Variants in DGKI observed in about 807,000 individuals in gnomAD.
DGKI encodes the protein diacylglycerol kinase iota, also known as DAG kinase iota.
A neutral mutation model predicts 147.5 loss-of-function variants in DGKI; 55 were observed. The ratio of observed to expected loss-of-function variants is 0.37; its 90% CI spans 0.30 to 0.47. The LOEUF is 0.47. Among genes scored for constraint, DGKI ranks in the 20% least tolerant of loss-of-function variants. The pLI is 1.00. For missense variants in DGKI, 1,007 were observed against 1,323.8 expected (o/e 0.76, Z 3.71); for synonymous variants, 469 against 477.1 (o/e 0.98, Z 0.22).
At chr7:137,542,021 T>C (rs1817719793) in intron 20 of DGKI, among the ~76,000 whole-genome samples, 1 of 152,062 alleles carries the variant, frequency 6.6e-6, no homozygotes, top group South Asian at 2.1e-4. Flanking sequence ...GCAGAATACA[T>C]GATGAACTCT....
intron 12 of DGKI, among the ~76,000 whole-genome samples, chr7:137,594,322 T>TA (rs1819715500): frequency 6.6e-6 from 1 of 152,184 alleles, no homozygotes. Context: ...GCTGGGATTA[T>TA]AGGCGTGAGC....
In DGKI at chr7:137,495,502, CAAAAAAA is replaced by C. The variant is rs34551145; in HGVS notation, c.2249-7820_2249-7814del. Among the ~76,000 whole-genome samples, 49 of 57,394 alleles carry C rather than the reference CAAAAAAA, an allele frequency of 8.5e-4. No homozygotes were observed. The South Asian group carries it at 9.1e-3, about 11-fold the overall frequency. The allele number at this position is 57,394 out of a possible 152,430, so 37.7% of individuals were successfully genotyped here. On this transcript the variant is annotated intron_variant, in intron 21 of 32. Transcript: ENST00000614521. The stretch of plus-strand genomic sequence containing the variant: ...TCCTGATACCAAAACCTGGCAGAGA[CAAAAAAA>C]AAAAAAAAAAAAAAAAAAATCCTTC...
intron 3 of DGKI, among the ~76,000 whole-genome samples, chr7:137,675,328 G>T (rs537052264): frequency 3.0e-4 from 45 of 152,206 alleles, no homozygotes; most frequent in African/African-American, 1.1e-3. Flanking sequence ...TTATCATACG[G>T]TATTTCTCAA....
At chr7:137,725,585 A>G (rs1794694186) in intron 1 of DGKI, among the ~76,000 whole-genome samples, 1 of 141,694 alleles carries the variant, frequency 7.1e-6, no homozygotes, top group Non-Finnish European at 1.5e-5. Context: ...CTTTAAAAAA[A>G]GGTAGCTTGT....
chr7:137,453,225 T>C (rs965293032), intron 27 of DGKI: 8 of 152,192 alleles, frequency 5.3e-5, no homozygotes, highest in African/African-American at 1.9e-4. Flanking sequence ...CAGATTATCA[T>C]CTCTGTGCAA....
At chr7:137,773,961 T>C (rs1796286951) in intron 1 of DGKI, among the ~76,000 whole-genome samples, 2 of 152,188 alleles carry the variant, frequency 1.3e-5, no homozygotes, top group South Asian at 4.1e-4. Context: ...GGTGGATGTC[T>C]AGAAGGTGAG....
At chr7:137,548,205 G>T (rs1324359021) in intron 20 of DGKI, among the ~76,000 whole-genome samples, 1 of 152,150 alleles carries the variant, frequency 6.6e-6, no homozygotes, top group African/African-American at 2.4e-5. Flanking sequence ...TTGAACTCTG[G>T]CTGCTTTACT....
intron 28 of DGKI, among the ~76,000 whole-genome samples, chr7:137,414,536 TA>T (rs60810063): frequency 0.077 from 11,160 of 145,852 alleles, 630 homozygotes; most frequent in African/African-American, 0.16. Context: ...GTGTTATGTG[TA>T]AAAAAAAAAA....
intron 1 of DGKI, among the ~76,000 whole-genome samples, chr7:137,837,550 C>T (rs1300525245): frequency 6.6e-6 from 1 of 152,154 alleles, no homozygotes; most frequent in African/African-American, 2.4e-5. Context: ...GAAGGTGGGG[C>T]CACTGGGGGT....
chr7:137,611,284 C>T (rs1240385223), intron 8 of DGKI, among the ~76,000 whole-genome samples: 1 of 152,106 alleles, frequency 6.6e-6, no homozygotes, highest in Non-Finnish European at 1.5e-5. Flanking sequence ...ATTAACAATG[C>T]TCTAAATGCT....
chr7:137,610,986 A>G (rs1950550202), intron 8 of DGKI, among the ~76,000 whole-genome samples: 1 of 152,206 alleles, frequency 6.6e-6, no homozygotes, highest in African/African-American at 2.4e-5. Flanking sequence ...CGAGGAGCTC[A>G]TGGGTGCTCT....
At chr7:137,427,141 T>A (rs1812847627) in intron 28 of DGKI, among the ~76,000 whole-genome samples, 1 of 152,008 alleles carries the variant, frequency 6.6e-6, no homozygotes, top group Non-Finnish European at 1.5e-5. Context: ...ATTGACCACA[T>A]AGTTGGAAGT....
intron 28 of DGKI, among the ~76,000 whole-genome samples, chr7:137,418,572 T>A (rs1247829587): frequency 6.6e-6 from 1 of 152,232 alleles, no homozygotes; most frequent in East Asian, 1.9e-4. Flanking sequence ...AACTACATTG[T>A]TACATGCAAA....
chr7:137,402,845 G>A (rs544848719), intron 30 of DGKI, among the ~76,000 whole-genome samples: 1 of 151,988 alleles, frequency 6.6e-6, no homozygotes, highest in Non-Finnish European at 1.5e-5. Flanking sequence ...GGGACCAGAG[G>A]CAGAAAAAGG....
chr7:137,402,647 T>A (rs1306206090), intron 30 of DGKI, among the ~76,000 whole-genome samples: 1 of 152,216 alleles, frequency 6.6e-6, no homozygotes. Context: ...CCCTTTGCTA[T>A]TCCTTCCACT....
chr7:137,440,150 G>A (rs1047899559), intron 28 of DGKI, among the ~76,000 whole-genome samples: 22 of 152,144 alleles, frequency 1.4e-4, no homozygotes, highest in African/African-American at 5.1e-4. Context: ...GAAGTGATAG[G>A]CATTCAATAC....
chr7:137,528,122 G>A (rs1476632340), intron 20 of DGKI, among the ~76,000 whole-genome samples: 1 of 152,162 alleles, frequency 6.6e-6, no homozygotes, highest in East Asian at 1.9e-4. Flanking sequence ...CTATAGCACA[G>A]CTTGGCATTG....
intron 21 of DGKI, among the ~76,000 whole-genome samples, chr7:137,494,802 G>C (rs1482916839): frequency 6.6e-6 from 1 of 152,046 alleles, no homozygotes; most frequent in African/African-American, 2.4e-5. Flanking sequence ...ACAATGACAG[G>C]ATCAAATCCA....
intron 26 of DGKI, among the ~76,000 whole-genome samples, 184 bp downstream of exon 26, chr7:137,465,724 G>T (rs1450701500): frequency 6.6e-6 from 1 of 152,044 alleles, no homozygotes; most frequent in East Asian, 1.9e-4. Flanking sequence ...GTGTAAATCT[G>T]GTTTTGTGTT....
Sources: gnomAD v4.1 joint callset for allele counts (sites outside exome capture counted in the v4.1 genomes callset) on GRCh38, gnomAD v4.1.1 for gene constraint, MANE v1.5 for transcripts, NCBI Gene and HGNC (gene_info 2026-07-23, HGNC 2026-07-21) for gene names.